The following ZFYVE26 variants were observed in gnomAD, a reference collection of about 807,000 sequenced individuals.
ZFYVE26 encodes zinc finger FYVE domain-containing protein 26.
Under a neutral mutation model 276.5 loss-of-function variants are expected in ZFYVE26, and 181 were observed. The ratio of observed to expected loss-of-function variants is 0.65; its 90% CI spans 0.58 to 0.74. ZFYVE26 has a LOEUF of 0.74. ZFYVE26 is among the 30% of genes least tolerant of loss of function. The pLI, the probability that ZFYVE26 is intolerant of heterozygous loss-of-function variation, is 0.00. For synonymous variants in ZFYVE26, 1,129 were observed against 1,203.1 expected (o/e 0.94, Z 1.27); for missense variants, 2,821 against 3,097.9 (o/e 0.91, Z 2.12).
At chr14:67,812,850 A>G (rs1044775174) in intron 3 of ZFYVE26, among the ~76,000 whole-genome samples, 1 of 152,266 alleles carries the variant, frequency 6.6e-6, no homozygotes, top group Non-Finnish European at 1.5e-5. Context: ...AAGATACTAT[A>G]GTAACTATAG....
rs1305464606 is a variant in ZFYVE26, at chr14:67,807,763, A to C, written c.521T>G (p.Leu174Arg). 40 of 1,614,170 alleles carry C rather than the reference A, an allele frequency of 2.5e-5. No individual in the cohort carries two copies. The highest frequency in any genetic ancestry group is 3.4e-5 in the Non-Finnish European group (40 of 1,180,030). ...SPQPAQALLE[L>R]LLEEDDGTGL... ...AGTACCGTCATCCTCCTCAAGCAGG[A>C]GCTCCAGCAGGGCCTGTGCTGGCTG... is the stretch of plus-strand genomic sequence containing the variant. Residue 174 changes from leucine (L) to arginine (R), a missense_variant, in exon 5 of 42, where the codon CTC becomes CGC. Physicochemically the swap from Leu to Arg is moderately radical, Grantham distance 102. Coordinates refer to ENST00000347230, the MANE Select transcript of ZFYVE26 (RefSeq NM_015346.4).
chr14:67,801,165 T>C (rs2140245987), intron 10 of ZFYVE26, among the ~76,000 whole-genome samples: 1 of 151,932 alleles, frequency 6.6e-6, no homozygotes, highest in Non-Finnish European at 1.5e-5. Context: ...GCAGGAGAAT[T>C]GCTTGAACCC....
chr14:67,754,001 C>A (rs1036481386), intron 38 of ZFYVE26, 70 bp downstream of exon 38: 1 of 1,609,454 alleles, frequency 6.2e-7, no homozygotes, highest in African/African-American at 1.3e-5. Context: ...AATCACTAGA[C>A]AACTGCAATT....
chr14:67,729,598 G>T (rs1281121242), exon 14 of ZFYVE26: 15 of 637,086 alleles, frequency 2.4e-5, no homozygotes, highest in Non-Finnish European at 4.2e-5. Context: ...TTATACTCGT[G>T]TGCCGCTTTT....
At chr14:67,742,838 CTTTTT>C (rs71446342), downstream of ZFYVE26, among the ~76,000 whole-genome samples, 12 of 89,752 alleles carry the variant, frequency 1.3e-4, no homozygotes, top group South Asian at 3.4e-4. Flanking sequence ...TCTTCTTCTT[CTTTTT>C]TTTTTTTTTT....
intron 2 of ZFYVE26, among the ~76,000 whole-genome samples, chr14:67,814,874 G>A (rs958487456): frequency 6.6e-6 from 1 of 152,194 alleles, no homozygotes; most frequent in Non-Finnish European, 1.5e-5. Flanking sequence ...TTTCTCCATC[G>A]TATATGTGCT....
intron 12 of ZFYVE26, among the ~76,000 whole-genome samples, chr14:67,795,375 A>G (rs139276363): frequency 6.6e-6 from 1 of 152,334 alleles, no homozygotes; most frequent in East Asian, 1.9e-4. Flanking sequence ...GAGCCTACTC[A>G]TTCTCTGGAG....
At chr14:67,790,491 C>T in intron 15 of ZFYVE26, 81 bp downstream of exon 15, 1 of 1,455,300 alleles carries the variant, frequency 6.9e-7, no homozygotes, top group Non-Finnish European at 9.6e-7. Flanking sequence ...TCATGAGGAG[C>T]CTAGGATTTT....
intron 31 of ZFYVE26, 59 bp from the exon 32 acceptor site, chr14:67,766,506 A>C: frequency 6.5e-7 from 1 of 1,527,704 alleles, no homozygotes; most frequent in South Asian, 1.1e-5. Flanking sequence ...AGCATTCTCC[A>C]AAGGCAGCTG....
intron 13 of ZFYVE26, among the ~76,000 whole-genome samples, chr14:67,739,475 A>C (rs1409225607): frequency 1.3e-5 from 2 of 151,752 alleles, no homozygotes; most frequent in Admixed American, 1.3e-4. Context: ...GAACCCTATA[A>C]AGTTGCTGAC....
intron 10 of ZFYVE26, among the ~76,000 whole-genome samples, chr14:67,800,958 T>TAAAA (rs1290090183): frequency 1.3e-5 from 2 of 150,912 alleles, no homozygotes; most frequent in Admixed American, 1.3e-4. Context: ...AATAAATAAA[T>TAAAA]AAAAGTACAG....
chr14:67,781,273 G>C, intron 22 of ZFYVE26, 60 bp downstream of exon 22: 1 of 1,582,422 alleles, frequency 6.3e-7, no homozygotes, highest in Non-Finnish European at 8.7e-7. Flanking sequence ...TATAAGATAG[G>C]TTGGGGTTGA....
At chr14:67,801,579 G>A (rs1022516003) in intron 10 of ZFYVE26, among the ~76,000 whole-genome samples, 1 of 152,182 alleles carries the variant, frequency 6.6e-6, no homozygotes, top group Non-Finnish European at 1.5e-5. Context: ...AGAAAAATGA[G>A]AGAGGATAGG....
Position 67,750,800 on chromosome 14 carries a change from C to A in ZFYVE26, c.7416+252G>T, listed in dbSNP as rs988266427. The stretch of plus-strand genomic sequence containing the variant: ...TCAGTATAAAATGGAGATTCAAGAG[C>A]AGCCTAGGACATGTTTGTCTTGGGG... On this transcript the variant is annotated intron_variant, in intron 41 of 41. Transcript: ENST00000347230. The A allele has an allele frequency of 1.2e-5, 7 of 565,082 alleles. No homozygotes were observed. In the East Asian group the frequency reaches 1.9e-4, roughly 15 times the overall value. 35.0% of individuals were successfully genotyped at this position (565,082 alleles called of 1,614,324 possible).
At chr14:67,740,246 G>A (rs924192564) in intron 13 of ZFYVE26, among the ~76,000 whole-genome samples, 1 of 152,098 alleles carries the variant, frequency 6.6e-6, no homozygotes, top group Non-Finnish European at 1.5e-5. Flanking sequence ...TCCAATGACA[G>A]CAGTTACTTA....
intron 3 of ZFYVE26, among the ~76,000 whole-genome samples, chr14:67,810,652 C>A (rs1381663751): frequency 1.3e-5 from 2 of 152,142 alleles, no homozygotes; most frequent in Non-Finnish European, 2.9e-5. Flanking sequence ...ACTCTTCCTG[C>A]GCCTGCTTGT....
chr14:67,778,822 C>T (rs1341180969), intron 23 of ZFYVE26, among the ~76,000 whole-genome samples: 1 of 151,824 alleles, frequency 6.6e-6, no homozygotes, highest in African/African-American at 2.4e-5. Context: ...GGAATGTCCT[C>T]CCCACAACCC....
chr14:67,769,618 T>G lies in ZFYVE26; in HGVS notation c.5597A>C (p.Gln1866Pro), dbSNP rs1400047590. 2 of 1,614,032 alleles carry G rather than the reference T, an allele frequency of 1.2e-6. No individual in the cohort carries two copies. Among genetic ancestry groups the G allele is most frequent in the Admixed American group, 1.7e-5 (1 of 60,024 alleles). The change falls in exon 29 of 42, where the codon CAG becomes CCG. Residue 1866 changes from glutamine to proline, a missense_variant. Transcript: ENST00000347230. ...CTCTTTGTTGCAGTAACTATAGCAC[T>G]GATCACACACACGAGCAGGGTTCTC... ...CRENPARVCDQCYSYCNKDVP... is the reference protein window; with the variant it reads ...CRENPARVCDPCYSYCNKDVP...
chr14:67,753,657 T>C, intron 39 of ZFYVE26, 50 bp downstream of exon 39: 1 of 1,570,106 alleles, frequency 6.4e-7, no homozygotes, highest in Non-Finnish European at 8.8e-7. Context: ...CCCGGAACTG[T>C]GGTCAGGTGC....
Sources: allele counts gnomAD v4.1 joint callset (sites outside exome capture counted in the v4.1 genomes callset), GRCh38; gene constraint gnomAD v4.1.1; transcripts MANE v1.5; gene names NCBI Gene and HGNC (gene_info 2026-07-23, HGNC 2026-07-21).